Variants in BNC2 observed in about 807,000 individuals in gnomAD.
The protein encoded by BNC2 is zinc finger protein basonuclin-2.
In BNC2, 20 loss-of-function variants were observed where a neutral mutation model predicts 76.3. The observed-to-expected ratio is 0.26, with a 90% CI of 0.18 to 0.38. The LOEUF is 0.38. Among genes scored for constraint, BNC2 ranks in the 10% least tolerant of loss-of-function variants. BNC2 has a pLI of 1.00. For synonymous variants in BNC2, 582 were observed against 514.8 expected (o/e 1.13, Z -1.77); for missense variants, 1,382 against 1,399.8 (o/e 0.99, Z 0.20).
At chr9:16,575,869 T>C (rs1358171035) in intron 4 of BNC2, among the ~76,000 whole-genome samples, 1 of 152,214 alleles carries the variant, frequency 6.6e-6, no homozygotes, top group African/African-American at 2.4e-5. Context: ...AAGAGAATTT[T>C]GCAGCTAGGC....
intron 5 of BNC2, among the ~76,000 whole-genome samples, chr9:16,517,472 G>A (rs1817475388): frequency 6.6e-6 from 1 of 152,112 alleles, no homozygotes; most frequent in Non-Finnish European, 1.5e-5. Flanking sequence ...TTCTGATCAT[G>A]AGTATGTGTT....
In BNC2 at chr9:16,751,050, C is replaced by A. The variant is rs138845121; in HGVS notation, c.4-12565G>T. On this transcript the variant is annotated intron_variant, in intron 1 of 6. Transcript: ENST00000380672. ...TTCACCAACCATCAGTCTAAATTCA[C>A]CCACAAGATTAAATATATCTGTCAT... Among the ~76,000 whole-genome samples, 122 of 152,182 alleles carry A rather than the reference C, an allele frequency of 8.0e-4. No homozygotes were observed. In the East Asian group the frequency reaches 0.014, roughly 17 times the overall value.
intron 5 of BNC2, among the ~76,000 whole-genome samples, chr9:16,494,133 G>A (rs546762614): frequency 6.6e-5 from 10 of 152,184 alleles, no homozygotes; most frequent in South Asian, 2.1e-4. Flanking sequence ...AATAAAATAC[G>A]AAATATATTA....
intron 5 of BNC2, among the ~76,000 whole-genome samples, chr9:16,504,802 G>A (rs1273194496): frequency 1.3e-5 from 2 of 152,044 alleles, no homozygotes; most frequent in East Asian, 1.9e-4. Flanking sequence ...TGCCATGACC[G>A]CACCTGTGAA....
chr9:16,437,538 C>A lies in BNC2; in HGVS notation c.670-14G>T. ...GCCAGCAGCATCCTAGAGGCCACATCAAAGAAACAACAAAGACAAACACAA... is the reference window on the plus strand; with the variant it reads ...GCCAGCAGCATCCTAGAGGCCACATAAAAGAAACAACAAAGACAAACACAA... On this transcript the variant is annotated splice_polypyrimidine_tract_variant and intron_variant, in intron 5 of 6. Transcript: ENST00000380672. 1 of 1,609,480 alleles carries A rather than the reference C, an allele frequency of 6.2e-7. No homozygotes were observed. Among genetic ancestry groups the A allele is most frequent in the Non-Finnish European group, 8.5e-7 (1 of 1,179,864 alleles).
intron 6 of BNC2, 119 bp from the exon 7 acceptor site, chr9:16,419,768 C>G (rs934078511): frequency 2.8e-6 from 2 of 708,330 alleles, no homozygotes; most frequent in African/African-American, 3.5e-5. Flanking sequence ...ACATTCACTT[C>G]TAATTACACC....
intron 3 of BNC2, among the ~76,000 whole-genome samples, chr9:16,598,105 C>A (rs754168773): frequency 6.6e-6 from 1 of 152,130 alleles, no homozygotes; most frequent in Non-Finnish European, 1.5e-5. Context: ...TGTTACTATT[C>A]ACATCACGTG....
At chr9:16,788,301 C>T (rs1826355171) in intron 1 of BNC2, among the ~76,000 whole-genome samples, 1 of 152,006 alleles carries the variant, frequency 6.6e-6, no homozygotes. Context: ...CGCCTGTAAT[C>T]CCAGCACTCT....
At chr9:16,842,555 A>G (rs1411240821) in intron 1 of BNC2, among the ~76,000 whole-genome samples, 1 of 152,222 alleles carries the variant, frequency 6.6e-6, no homozygotes, top group East Asian at 1.9e-4. Context: ...AGAACTAAAT[A>G]GTGTTGATGG....
intron 4 of BNC2, among the ~76,000 whole-genome samples, chr9:16,571,147 C>T (rs1357216847): frequency 3.3e-5 from 5 of 152,190 alleles, no homozygotes. Context: ...CTGAGGCACA[C>T]ATATGTGATC....
At chr9:16,854,136 T>G (rs1169825932) in intron 1 of BNC2, among the ~76,000 whole-genome samples, 2 of 152,146 alleles carry the variant, frequency 1.3e-5, no homozygotes, top group African/African-American at 4.8e-5. Context: ...TTCTACTTTC[T>G]CTTCCCATAG....
intron 3 of BNC2, among the ~76,000 whole-genome samples, chr9:16,666,425 G>A (rs1406091793): frequency 6.6e-6 from 1 of 152,040 alleles, no homozygotes; most frequent in African/African-American, 2.4e-5. Context: ...GCAGGTAGGT[G>A]GCATTAAAGA....
At chr9:16,529,924 C>T (rs11789180) in intron 5 of BNC2, among the ~76,000 whole-genome samples, 2 of 152,120 alleles carry the variant, frequency 1.3e-5, no homozygotes, top group Non-Finnish European at 2.9e-5. Context: ...TCGCGGCTCA[C>T]CACAACCTCT....
rs527859794 is a variant in BNC2, at chr9:16,736,135, G to T, written c.129+2225C>A. On this transcript the variant is annotated intron_variant, in intron 2 of 6. Coordinates refer to ENST00000380672, the MANE Select transcript of BNC2 (RefSeq NM_017637.6). Reference sequence around the variant, plus strand: ...TGTAATCCCAGCTACTCGGGAAGCTGAGGCAGGAGAATCACTTGAACCTGG... The same window carrying T: ...TGTAATCCCAGCTACTCGGGAAGCTTAGGCAGGAGAATCACTTGAACCTGG... Among the ~76,000 whole-genome samples, 463 of 151,530 alleles carry T rather than the reference G, an allele frequency of 3.1e-3. 2 individuals are homozygous for T. Among genetic ancestry groups the T allele is most frequent in the African/African-American group, 0.011 (447 of 41,344 alleles).
intron 5 of BNC2, among the ~76,000 whole-genome samples, chr9:16,511,605 TTTTTG>T (rs2131927306): frequency 6.6e-6 from 1 of 151,966 alleles, no homozygotes; most frequent in East Asian, 1.9e-4. Context: ...TTTTTGTATT[TTTTTG>T]TAGAGACGGG....
At chr9:16,718,567 C>G (rs1331568856) in intron 3 of BNC2, among the ~76,000 whole-genome samples, 1 of 152,112 alleles carries the variant, frequency 6.6e-6, no homozygotes, top group African/African-American at 2.4e-5. Context: ...TAGCGCAATT[C>G]TAATTTATCT....
intron 1 of BNC2, among the ~76,000 whole-genome samples, chr9:16,773,364 T>TC (rs369428572): frequency 2.7e-3 from 406 of 152,252 alleles, no homozygotes; most frequent in African/African-American, 9.1e-3. Context: ...AAGCCTTTTT[T>TC]CCCCTCTCTC....
chr9:16,588,772 T>C (rs1339587187), intron 3 of BNC2, among the ~76,000 whole-genome samples: 1 of 152,228 alleles, frequency 6.6e-6, no homozygotes, highest in African/African-American at 2.4e-5. Flanking sequence ...AGCTGAGGTC[T>C]CTAGCTCTAC....
At chr9:16,800,467 C>T (rs567297995) in intron 1 of BNC2, among the ~76,000 whole-genome samples, 1 of 152,080 alleles carries the variant, frequency 6.6e-6, no homozygotes, top group South Asian at 2.1e-4. Context: ...AGGGGATATT[C>T]TTTTCATATC....
Sources: allele counts gnomAD v4.1 joint callset (sites outside exome capture counted in the v4.1 genomes callset), GRCh38; gene constraint gnomAD v4.1.1; transcripts MANE v1.5; gene names NCBI Gene and HGNC (gene_info 2026-07-23, HGNC 2026-07-21).